Variants in IARS2 observed in about 807,000 individuals in gnomAD.
IARS2 encodes isoleucyl-tRNA synthetase 2, mitochondrial, also known as isoleucine--tRNA ligase, mitochondrial.
In IARS2, 56 loss-of-function variants were observed where a neutral mutation model predicts 126.3. The ratio of observed to expected loss-of-function variants is 0.44; its 90% confidence interval spans 0.36 to 0.55. The LOEUF (loss-of-function observed/expected upper bound fraction) is 0.55. Ranked by LOEUF, IARS2 falls within the 20% of genes least tolerant of loss-of-function variation. IARS2 has a pLI of 0.00. For missense variants in IARS2, 1,127 were observed against 1,245.9 expected (o/e 0.90, Z 1.44); for synonymous variants, 407 against 441.1 (o/e 0.92, Z 0.97).
Position 220,096,149 on chromosome 1 carries a change from G to T in IARS2, c.313G>T (p.Val105Leu). ...ELYSWQRERK[V>L]KTEFCLHDGP... is the part of the protein sequence containing the mutation. Reference sequence around the variant, plus strand: ...TTATTCATGGCAAAGAGAAAGAAAAGTAAAGACAGAATTTTGCCTTCATGA... The same window carrying T: ...TTATTCATGGCAAAGAGAAAGAAAATTAAAGACAGAATTTTGCCTTCATGA... Residue 105 changes from valine to leucine, a missense_variant, in exon 2 of 23, where the codon GTA (valine) becomes TTA (leucine). Coordinates refer to ENST00000366922, the MANE Select transcript of IARS2 (RefSeq NM_018060.4). 6.5e-7 allele frequency: 1 copy of T among 1,546,610 alleles called. No individual in the cohort carries two copies. The highest frequency in any genetic ancestry group is 1.1e-5 in the South Asian group (1 of 87,834).
At chr1:220,120,557 G>A (rs1326916973) in intron 12 of IARS2, among the ~76,000 whole-genome samples, 1 of 151,826 alleles carries the variant, frequency 6.6e-6, no homozygotes, top group African/African-American at 2.4e-5. Flanking sequence ...TTGTATTTTT[G>A]TAGAGACCGG....
At chr1:220,116,607 A>G (rs1656918340) in intron 12 of IARS2, among the ~76,000 whole-genome samples, 1 of 152,088 alleles carries the variant, frequency 6.6e-6, no homozygotes, top group African/African-American at 2.4e-5. Flanking sequence ...TTTCAATATT[A>G]TTATAAGTTG....
rs1185833097 is a variant in IARS2, at chr1:220,147,916, C to CATAG, written c.*285_*288dup. 1 of 412,782 alleles carries CATAG rather than the reference C, an allele frequency of 2.4e-6. No homozygotes were observed. The highest frequency in any genetic ancestry group is 2.0e-5 in the African/African-American group (1 of 49,536). The allele number at this position is 412,782 out of a possible 1,614,324, so 25.6% of individuals were successfully genotyped here. A position where few individuals can be genotyped will look rare whatever the true frequency, so the allele number is the denominator to read the frequency against. On this transcript the variant is annotated 3_prime_UTR_variant, in exon 23 of 23. Coordinates refer to ENST00000366922, the MANE Select transcript of IARS2 (RefSeq NM_018060.4). ...ATATCCATAGTGGACTTATTCAGAA[C>CATAG]ATAGATATGTATTCAGCTTGTCTTC... is the stretch of plus-strand genomic sequence containing the variant.
intron 8 of IARS2, 127 bp from the exon 9 acceptor site, chr1:220,105,764 C>A: frequency 1.4e-6 from 1 of 720,156 alleles, no homozygotes; most frequent in Admixed American, 2.5e-5. Flanking sequence ...AAAGGGGAAG[C>A]TGGAATTTAA....
At position 220,094,625 on chromosome 1, in the gene IARS2, T is replaced by C. The variant is rs1290581076; in HGVS notation, c.267+142T>C. On this transcript the variant is annotated intron_variant, in intron 1 of 22. Coordinates refer to ENST00000366922, the MANE Select transcript of IARS2 (RefSeq NM_018060.4). ...GACCAGATTGGTGGAATTCGTCTGC[T>C]TCGCACAGATTTTGTGGGCTGAAAA... The C allele has an allele frequency of 4.5e-6, 3 of 671,802 alleles. No individual in the cohort carries two copies. The African/African-American group carries it at 5.7e-5, about 13-fold the overall frequency. The allele number at this position is 671,802 out of a possible 1,614,324, so 41.6% of individuals were successfully genotyped here. A position where few individuals can be genotyped will look rare whatever the true frequency, so the allele number is the denominator to read the frequency against.
intron 12 of IARS2, chr1:220,117,945 A>G (rs1219163974): frequency 2.0e-6 from 1 of 509,640 alleles, no homozygotes; most frequent in African/African-American, 1.9e-5. Context: ...ATTTTCCTGT[A>G]TACCATTTCT....
intron 12 of IARS2, among the ~76,000 whole-genome samples, chr1:220,124,559 A>G (rs1017268463): frequency 3.3e-5 from 5 of 152,212 alleles, no homozygotes; most frequent in Admixed American, 3.3e-4. Context: ...ATTGTTCTTA[A>G]CAGAAGGGAA....
At chr1:220,139,643 T>C (rs1297875561) in intron 18 of IARS2, among the ~76,000 whole-genome samples, 1 of 152,070 alleles carries the variant, frequency 6.6e-6, no homozygotes, top group Admixed American at 6.6e-5. Context: ...CCCAGCTCCT[T>C]GGGAGGCTGA....
intron 19 of IARS2, among the ~76,000 whole-genome samples, chr1:220,140,888 G>A (rs1657475603): frequency 6.6e-6 from 1 of 151,304 alleles, no homozygotes; most frequent in Non-Finnish European, 1.5e-5. Flanking sequence ...GGAGGCTGAG[G>A]CAGGAGAATG....
Position 220,111,598 on chromosome 1 carries a change from A to ATATATGTG in IARS2, c.1479+662_1479+663insATATGTGT, listed in dbSNP as rs374024744. ...TGGGTATATATATATATATATATAT[A>ATATATGTG]TGTGTGTGTGTGTGTGTGTGTGTGT... On this transcript the variant is annotated intron_variant, in intron 11 of 22. Coordinates refer to ENST00000366922, the MANE Select transcript of IARS2 (RefSeq NM_018060.4). 3.8e-3 allele frequency among the ~76,000 whole-genome samples: 507 copies of ATATATGTG among 134,816 alleles called. 3 individuals are homozygous for ATATATGTG. The highest frequency in any genetic ancestry group is 1.0e-2 in the African/African-American group (364 of 36,422). 88.4% of individuals were successfully genotyped at this position (134,816 alleles called of 152,430 possible).
chr1:220,133,183 G>A (rs1430336807), intron 14 of IARS2, among the ~76,000 whole-genome samples: 1 of 151,646 alleles, frequency 6.6e-6, no homozygotes, highest in Non-Finnish European at 1.5e-5. Flanking sequence ...GATAATTTTC[G>A]TGTTTTTAGA....
At chr1:220,125,382 G>C (rs368686352) in intron 13 of IARS2, 43 bp downstream of exon 13, 27 of 1,185,246 alleles carry the variant, frequency 2.3e-5, no homozygotes, top group Admixed American at 1.1e-4. Flanking sequence ...ATGTATTACA[G>C]GACTTAATGA....
rs766848416 is a variant in IARS2, at chr1:220,125,301, C to G, written c.1705C>G (p.Pro569Ala). 6.2e-7 allele frequency: 1 copy of G among 1,613,636 alleles called. No homozygotes were observed. Residue 569 changes from proline (P) to alanine (A), a missense_variant, in exon 13 of 23, where the codon CCC becomes GCC. Physicochemically the swap from Pro to Ala is conservative, Grantham distance 27. Coordinates refer to ENST00000366922, the MANE Select transcript of IARS2 (RefSeq NM_018060.4). The part of the protein sequence containing the change: ...QHGSDIWWTL[P>A]PEQLLPKEVL... ...CGGCAGTGATATCTGGTGGACTCTT[C>G]CCCCTGAACAACTTCTTCCAAAAGA...
intron 11 of IARS2, among the ~76,000 whole-genome samples, chr1:220,112,810 C>T (rs576502946): frequency 3.3e-5 from 5 of 151,980 alleles, no homozygotes; most frequent in East Asian, 3.9e-4. Flanking sequence ...CTGCCTGCTT[C>T]GGCCTCTCAG....
chr1:220,142,810 C>A, intron 20 of IARS2, 134 bp from the exon 21 acceptor site: 1 of 506,896 alleles, frequency 2.0e-6, no homozygotes, highest in East Asian at 3.1e-5. Flanking sequence ...TAGGATGGAT[C>A]CATAATATTT....
At chr1:220,135,432 C>G (rs1054592080) in intron 15 of IARS2, among the ~76,000 whole-genome samples, 1 of 151,974 alleles carries the variant, frequency 6.6e-6, no homozygotes, top group African/African-American at 2.4e-5. Context: ...GCGATCTTGG[C>G]TCACTGCAGC....
chr1:220,120,938 A>C (rs1234733647), intron 12 of IARS2, among the ~76,000 whole-genome samples: 1 of 152,208 alleles, frequency 6.6e-6, no homozygotes, highest in Non-Finnish European at 1.5e-5. Context: ...TGTTTTCATA[A>C]TTCACAATAT....
At chr1:220,140,155 C>G (rs769619160) in intron 18 of IARS2, 28 bp from the exon 19 acceptor site, 20 of 1,342,858 alleles carry the variant, frequency 1.5e-5, no homozygotes, top group Non-Finnish European at 2.1e-5. Flanking sequence ...GTCTCAGCTT[C>G]CAAATTTATT....
In IARS2 at chr1:220,105,897, A is replaced by G; in HGVS notation, c.1073A>G (p.Asp358Gly). The change falls in exon 9 of 23, where the codon GAT becomes GGT. Residue 358 changes from aspartate to glycine, a missense_variant. Physicochemically the swap from Asp to Gly is moderately conservative, Grantham distance 94. Transcript: ENST00000366922. Reference protein sequence around the residue: ...FETISTLSGVDLENGTCSHPL... With the variant: ...FETISTLSGVGLENGTCSHPL... ...TGGTTTTCTTTCCCCACAGGTGTAG[A>G]TTTGGAAAATGGTACTTGCAGTCAT... The G allele has an allele frequency of 6.2e-7, 1 of 1,613,900 alleles. No homozygotes were observed. The highest frequency in any genetic ancestry group is 8.5e-7 in the Non-Finnish European group (1 of 1,179,802).
Sources: gnomAD v4.1 joint callset for allele counts (sites outside exome capture counted in the v4.1 genomes callset) on GRCh38, gnomAD v4.1.1 for gene constraint, MANE v1.5 for transcripts, NCBI Gene and HGNC (gene_info 2026-07-23, HGNC 2026-07-21) for gene names.